The following BCAS3 variants were observed in gnomAD, a reference collection of about 807,000 sequenced individuals.
BCAS3 encodes the protein BCAS3 microtubule associated cell migration factor.
BCAS3 carries 53 observed loss-of-function variants against 116.1 expected under a neutral mutation model. The ratio of observed to expected loss-of-function variants is 0.46; its 90% CI spans 0.37 to 0.57. The LOEUF (loss-of-function observed/expected upper bound fraction) is 0.57, where lower values mean the gene tolerates loss of function less well. Ranked by LOEUF, BCAS3 falls within the 20% of genes least tolerant of loss-of-function variation. The pLI is 0.00. For synonymous variants in BCAS3, 391 were observed against 408.2 expected, an observed-to-expected ratio of 0.96 and a Z score of 0.51; for missense variants, 917 against 1,165.4, an observed-to-expected ratio of 0.79 and a Z score of 3.10.
intron 22 of BCAS3, among the ~76,000 whole-genome samples, chr17:61,305,873 G>A (rs2053811341): frequency 6.6e-6 from 1 of 152,208 alleles, no homozygotes; most frequent in African/African-American, 2.4e-5. Flanking sequence ...TCCAGCCTGG[G>A]CAACAGAGCA....
At chr17:61,152,793 A>T (rs1027207292) in intron 22 of BCAS3, among the ~76,000 whole-genome samples, 1 of 152,016 alleles carries the variant, frequency 6.6e-6, no homozygotes, top group Non-Finnish European at 1.5e-5. Flanking sequence ...TTTGGTGAGT[A>T]TACTTCTCTC....
At chr17:61,284,708 G>A (rs1456481827) in intron 22 of BCAS3, among the ~76,000 whole-genome samples, 11 of 148,866 alleles carry the variant, frequency 7.4e-5, no homozygotes, top group South Asian at 2.1e-4. Context: ...ATTCTAACTA[G>A]CTTTTCAGCC....
At chr17:61,312,833 G>A (rs7221666) in intron 22 of BCAS3, among the ~76,000 whole-genome samples, 40,443 of 151,882 alleles carry the variant, frequency 0.27, 7,424 homozygotes, top group African/African-American at 0.53. Context: ...GGTCAGGACT[G>A]GTTACAACCA....
At chr17:61,116,168 C>T (rs572849737) in intron 22 of BCAS3, among the ~76,000 whole-genome samples, 27 of 151,658 alleles carry the variant, frequency 1.8e-4, no homozygotes, top group Middle Eastern at 6.8e-3. Flanking sequence ...GTGCAGCGCA[C>T]CAGCATGGCA....
intron 22 of BCAS3, among the ~76,000 whole-genome samples, chr17:61,298,750 T>C (rs2053162465): frequency 6.6e-6 from 1 of 152,176 alleles, no homozygotes; most frequent in South Asian, 2.1e-4. Flanking sequence ...TTCAGTGCCC[T>C]CAAGTGTGGG....
chr17:60,986,266 C>T (rs548107690), intron 14 of BCAS3, among the ~76,000 whole-genome samples: 2 of 152,292 alleles, frequency 1.3e-5, no homozygotes, highest in East Asian at 3.9e-4. Flanking sequence ...GTTGCTTCCA[C>T]ATCTTGGCTA....
chr17:60,716,395 A>G (rs941604515), intron 5 of BCAS3, among the ~76,000 whole-genome samples: 15 of 152,336 alleles, frequency 9.8e-5, no homozygotes, highest in African/African-American at 3.1e-4. Flanking sequence ...AACAATAAAC[A>G]CTAAACAGAG....
chr17:61,384,777 C>T (rs1415019205), intron 23 of BCAS3: 2 of 152,292 alleles, frequency 1.3e-5, no homozygotes, highest in Admixed American at 6.5e-5. Context: ...CCTGCTAGCC[C>T]CAGCACCCCC....
At chr17:61,322,836 G>GAC (rs2055387514) in intron 22 of BCAS3, among the ~76,000 whole-genome samples, 1 of 139,962 alleles carries the variant, frequency 7.1e-6, no homozygotes, top group African/African-American at 3.1e-5. Context: ...GAGACAGAGA[G>GAC]AGAGAGAGAG....
At chr17:60,788,453 T>C (rs1413482021) in intron 6 of BCAS3, among the ~76,000 whole-genome samples, 1 of 152,192 alleles carries the variant, frequency 6.6e-6, no homozygotes, top group Non-Finnish European at 1.5e-5. Flanking sequence ...GGTTAAGGGA[T>C]ACCTCATATA....
chr17:61,170,171 C>G (rs555173468), intron 22 of BCAS3, among the ~76,000 whole-genome samples: 10 of 151,568 alleles, frequency 6.6e-5, no homozygotes, highest in Non-Finnish European at 1.3e-4. Context: ...ACTTTCTAAT[C>G]AGTTGGGTAT....
At position 60,973,586 on chromosome 17, in the gene BCAS3, A is replaced by ATATATATATATATATATATATATATATAT. The variant is rs752524305; in HGVS notation, c.1222-16385_1222-16384insTATATATATATATATATATATATATATAT. Among the ~76,000 whole-genome samples the ATATATATATATATATATATATATATATAT allele has an allele frequency of 5.2e-4, 72 of 137,928 alleles. 1 individual carries two copies. The highest frequency in any genetic ancestry group is 1.7e-3 in the East Asian group (8 of 4,600). 90.5% of individuals were successfully genotyped at this position (137,928 alleles called of 152,430 possible). ...TAGACATTGCTATTACCTTATTATT[A>ATATATATATATATATATATATATATATAT]ATATATATATATATATATATATGTA... On this transcript the variant is annotated intron_variant, in intron 14 of 23. Transcript: ENST00000407086.
At chr17:61,223,977 CT>C (rs1317312110) in intron 22 of BCAS3, among the ~76,000 whole-genome samples, 2 of 152,214 alleles carry the variant, frequency 1.3e-5, no homozygotes, top group African/African-American at 4.8e-5. Flanking sequence ...ATATCATGTG[CT>C]CGCTTTTGGA....
intron 15 of BCAS3, among the ~76,000 whole-genome samples, chr17:60,991,926 A>G (rs937446920): frequency 2.0e-5 from 3 of 152,020 alleles, no homozygotes; most frequent in Non-Finnish European, 4.4e-5. Context: ...GTTCATCCAC[A>G]TTGTAGTATA....
At chr17:61,267,597 C>G (rs537563638) in intron 22 of BCAS3, among the ~76,000 whole-genome samples, 1 of 148,848 alleles carries the variant, frequency 6.7e-6, no homozygotes, top group African/African-American at 2.5e-5. Flanking sequence ...ATTAGCTGGG[C>G]ATGGTGATGT....
In BCAS3 at chr17:61,362,223, C is replaced by T. The variant is rs2058486749; in HGVS notation, c.2426-6104C>T. ...TTTGGTAAGCTTGCCAAGGAGGCTC[C>T]CCTCTACACTGGTTCCCCTCATCAT... On this transcript the variant is annotated intron_variant, in intron 22 of 23. Transcript: ENST00000407086. The surrounding 1 kb of genome is among the most constrained non-coding windows in gnomAD (Gnocchi z 4.4). 1.3e-5 allele frequency among the ~76,000 whole-genome samples: 2 copies of T among 152,180 alleles called. No individual in the cohort carries two copies. The highest frequency in any genetic ancestry group is 4.1e-4 in the South Asian group (2 of 4,834).
In BCAS3 at chr17:60,855,650, G is replaced by C. The variant is rs558139702; in HGVS notation, c.477-12926G>C. On this transcript the variant is annotated intron_variant, in intron 7 of 23. Coordinates refer to ENST00000407086, the MANE Select transcript of BCAS3 (RefSeq NM_017679.5). ...TTTTAAATTTTTATCAGTTCTGATAGATGGGTAGTGGTATCTCATAGTGAT... is the reference window on the plus strand; with the variant it reads ...TTTTAAATTTTTATCAGTTCTGATACATGGGTAGTGGTATCTCATAGTGAT... Among the ~76,000 whole-genome samples the C allele has an allele frequency of 2.0e-5, 3 of 151,848 alleles. No homozygotes were observed. The South Asian group carries it at 6.3e-4, about 32-fold the overall frequency.
chr17:60,829,190 T>A (rs1452587021), intron 7 of BCAS3, among the ~76,000 whole-genome samples: 2 of 152,020 alleles, frequency 1.3e-5, no homozygotes, highest in African/African-American at 4.8e-5. Context: ...AGTATGATGA[T>A]GTAATGTATA....
chr17:60,947,790 A>G (rs1287080826), intron 14 of BCAS3, among the ~76,000 whole-genome samples: 1 of 152,242 alleles, frequency 6.6e-6, no homozygotes, highest in Non-Finnish European at 1.5e-5. Flanking sequence ...GAATATGGAT[A>G]TATGAATACA....
Sources: allele counts gnomAD v4.1 joint callset (sites outside exome capture counted in the v4.1 genomes callset), GRCh38; gene constraint gnomAD v4.1.1; non-coding constraint Gnocchi (gnomAD v3.1); transcripts MANE v1.5; gene names NCBI Gene and HGNC (gene_info 2026-07-23, HGNC 2026-07-21).